The following GLG1 variants were observed in gnomAD, a reference collection of about 807,000 sequenced individuals.
GLG1 encodes the protein golgi glycoprotein 1.
A neutral mutation model predicts 160.5 loss-of-function variants in GLG1; 38 were observed. That is an observed-to-expected ratio of 0.24 (90% CI 0.18 to 0.31). The LOEUF is 0.31. Among genes scored for constraint, GLG1 ranks in the 10% least tolerant of loss-of-function variants. GLG1 has a pLI of 1.00. For synonymous variants in GLG1, 644 were observed against 543.4 expected (o/e 1.19, Z -2.57); for missense variants, 1,373 against 1,505.2 (o/e 0.91, Z 1.45).
chr16:74,472,430 A>G lies in GLG1; in HGVS notation c.2053-19T>C. 2 of 1,565,088 alleles carry G rather than the reference A, an allele frequency of 1.3e-6. No homozygotes were observed. Among genetic ancestry groups the G allele is most frequent in the Non-Finnish European group, 1.8e-6 (2 of 1,136,768 alleles). ...GAATATCCTGTAGAAAATTAAATAT[A>G]TTAATACTTCTGCTTTAGAAAGAGC... On this transcript the variant is annotated intron_variant, in intron 13 of 25. Transcript: ENST00000422840.
At chr16:74,584,857 A>C (rs1471482423) in intron 1 of GLG1, among the ~76,000 whole-genome samples, 2 of 152,080 alleles carry the variant, frequency 1.3e-5, no homozygotes, top group African/African-American at 4.8e-5. Context: ...CAGAGGTTGC[A>C]GTGAGCTGAG....
rs1414534342 is a variant in GLG1 at position 74,447,805 on chromosome 16, G to A, written c.*5362C>T. On this transcript the variant is annotated 3_prime_UTR_variant, in exon 26 of 26. Coordinates refer to ENST00000422840, the MANE Select transcript of GLG1 (RefSeq NM_001145667.2). Reference sequence around the variant, plus strand: ...GAGGTCTCTGCCCAGTGCACTGCAGGGGGACCTGGAGGGCCCATTTCTACC... The same window carrying A: ...GAGGTCTCTGCCCAGTGCACTGCAGAGGGACCTGGAGGGCCCATTTCTACC... The A allele has an allele frequency of 6.6e-6, 1 of 152,280 alleles. No homozygotes were observed. Among genetic ancestry groups the A allele is most frequent in the South Asian group, 2.1e-4 (1 of 4,838 alleles). 9.4% of individuals were successfully genotyped at this position (152,280 alleles called of 1,614,324 possible).
chr16:74,551,557 A>G (rs2018199603), intron 1 of GLG1, among the ~76,000 whole-genome samples: 1 of 151,014 alleles, frequency 6.6e-6, no homozygotes, highest in African/African-American at 2.4e-5. Flanking sequence ...AGCTCAAGCA[A>G]TCTGTCCACC....
chr16:74,532,567 A>T (rs2017571580), intron 1 of GLG1, among the ~76,000 whole-genome samples: 1 of 152,090 alleles, frequency 6.6e-6, no homozygotes, highest in South Asian at 2.1e-4. Flanking sequence ...TCTGTCACCC[A>T]GGCTGCCATG....
rs866675948 is a variant in GLG1 at position 74,540,117 on chromosome 16, T to A, written c.439-7964A>T. On this transcript the variant is annotated intron_variant, in intron 1 of 25. Coordinates refer to ENST00000422840, the MANE Select transcript of GLG1 (RefSeq NM_001145667.2). Reference sequence around the variant, plus strand: ...ATTATATATATTTTATATATATATATTATATATATTTTATATATATAATAT... The same window carrying A: ...ATTATATATATTTTATATATATATAATATATATATTTTATATATATAATAT... 5.5e-3 allele frequency among the ~76,000 whole-genome samples: 6 copies of A among 1,088 alleles called. 3 individuals are homozygous for A. The East Asian group carries it at 1, about 181-fold the overall frequency. 0.7% of individuals were successfully genotyped at this position (1,088 alleles called of 152,430 possible).
chr16:74,591,754 A>G lies in GLG1; in HGVS notation c.438+14903T>C, dbSNP rs546139017. 3.3e-5 allele frequency among the ~76,000 whole-genome samples: 5 copies of G among 152,346 alleles called. No individual in the cohort carries two copies. In the East Asian group the frequency reaches 9.6e-4, roughly 29 times the overall value. ...CCAGAGAAATGTTCCAACCTGGGAAATATGAGAGCAAAAGGCCTTACATAT... is the reference window on the plus strand; with the variant it reads ...CCAGAGAAATGTTCCAACCTGGGAAGTATGAGAGCAAAAGGCCTTACATAT... On this transcript the variant is annotated intron_variant, in intron 1 of 25. Transcript: ENST00000422840.
At chr16:74,523,223 A>G (rs1343560571) in intron 2 of GLG1, among the ~76,000 whole-genome samples, 1 of 152,238 alleles carries the variant, frequency 6.6e-6, no homozygotes, top group Non-Finnish European at 1.5e-5. Flanking sequence ...TTACTGTTTT[A>G]CTTTTCACAT....
At chr16:74,577,798 G>T (rs1163251691) in intron 1 of GLG1, among the ~76,000 whole-genome samples, 2 of 151,746 alleles carry the variant, frequency 1.3e-5, no homozygotes, top group Non-Finnish European at 2.9e-5. Flanking sequence ...TTTATTTTTT[G>T]TAGAGATGAG....
chr16:74,526,298 T>C (rs891116274), intron 2 of GLG1, among the ~76,000 whole-genome samples: 1 of 147,250 alleles, frequency 6.8e-6, no homozygotes. Flanking sequence ...TGACTGACTA[T>C]GAGGCAGGCA....
intron 24 of GLG1, among the ~76,000 whole-genome samples, chr16:74,457,253 C>G (rs1370789829): frequency 6.6e-6 from 1 of 152,012 alleles, no homozygotes; most frequent in Non-Finnish European, 1.5e-5. Flanking sequence ...AAAAATGAGC[C>G]AGGCATGGTG....
Position 74,540,080 on chromosome 16 carries a change from TTTTA to T in GLG1, c.439-7931_439-7928del, listed in dbSNP as rs1567512322. ...ATTTTATATATATATATTATATATA[TTTTA>T]TATATATATTATATATATTTTATAT... On this transcript the variant is annotated intron_variant, in intron 1 of 25. Coordinates refer to ENST00000422840, the MANE Select transcript of GLG1 (RefSeq NM_001145667.2). Among the ~76,000 whole-genome samples, 2 of 782 alleles carry T rather than the reference TTTTA, an allele frequency of 2.6e-3. 1 individual carries two copies. Among genetic ancestry groups the T allele is most frequent in the African/African-American group, 3.4e-3 (2 of 580 alleles). The allele number at this position is 782 out of a possible 152,430, so 0.5% of individuals were successfully genotyped here.
intron 8 of GLG1, among the ~76,000 whole-genome samples, chr16:74,488,204 C>G (rs1288877514): frequency 1.3e-5 from 2 of 151,844 alleles, no homozygotes; most frequent in Non-Finnish European, 2.9e-5. Context: ...CAACCACAGA[C>G]AGGTATGGAA....
rs758481036 is a variant in GLG1 at position 74,452,776 on chromosome 16, C to T, written c.*391G>A. 13 of 990,778 alleles carry T rather than the reference C, an allele frequency of 1.3e-5. No individual in the cohort carries two copies. The highest frequency in any genetic ancestry group is 1.7e-5 in the African/African-American group (1 of 57,384). The allele number at this position is 990,778 out of a possible 1,614,324, so 61.4% of individuals were successfully genotyped here. ...GCCCAAATCAAGCCTGGAGGAGATG[C>T]GTTACTATATACATTTTTTTCTTTA... On this transcript the variant is annotated 3_prime_UTR_variant, in exon 26 of 26. Coordinates refer to ENST00000422840, the MANE Select transcript of GLG1 (RefSeq NM_001145667.2).
At chr16:74,491,343 G>C in intron 7 of GLG1, 128 bp from the exon 8 acceptor site, 1 of 704,438 alleles carries the variant, frequency 1.4e-6, no homozygotes. Flanking sequence ...GCTAACATCT[G>C]AAAAGTTTAG....
intron 13 of GLG1, 61 bp downstream of exon 13, chr16:74,474,485 C>T: frequency 1.2e-6 from 1 of 836,478 alleles, no homozygotes; most frequent in Non-Finnish European, 2.1e-6. Context: ...TAGAATCAAA[C>T]ACAAAAGGCC....
Position 74,578,839 on chromosome 16 carries a change from G to A in GLG1, c.438+27818C>T, listed in dbSNP as rs35627436. Among the ~76,000 whole-genome samples, 432 of 152,260 alleles carry A rather than the reference G, an allele frequency of 2.8e-3. 3 individuals are homozygous for A. Among genetic ancestry groups the A allele is most frequent in the Non-Finnish European group, 5.1e-3 (344 of 68,022 alleles). On this transcript the variant is annotated intron_variant, in intron 1 of 25. Transcript: ENST00000422840. Reference sequence around the variant, plus strand: ...AGTCATTCTGTGAAAACAAGATTTAGGATAAGGTTTTTGAAATAACTTTTT... The same window carrying A: ...AGTCATTCTGTGAAAACAAGATTTAAGATAAGGTTTTTGAAATAACTTTTT...
intron 2 of GLG1, among the ~76,000 whole-genome samples, chr16:74,526,866 G>C (rs1257023288): frequency 1.3e-5 from 2 of 152,200 alleles, no homozygotes; most frequent in Non-Finnish European, 2.9e-5. Context: ...CTATGAGGTA[G>C]AATTCAAATT....
chr16:74,571,163 T>G (rs2018815983), intron 1 of GLG1, among the ~76,000 whole-genome samples: 1 of 152,062 alleles, frequency 6.6e-6, no homozygotes, highest in Non-Finnish European at 1.5e-5. Context: ...TGATGAGACA[T>G]GGAGCCCAGT....
intron 8 of GLG1, among the ~76,000 whole-genome samples, chr16:74,489,235 C>T (rs1157399484): frequency 6.6e-6 from 1 of 152,050 alleles, no homozygotes; most frequent in Non-Finnish European, 1.5e-5. Flanking sequence ...CTTTGGGAGG[C>T]TGAGGCGGGA....
Sources: gnomAD v4.1 joint callset for allele counts (sites outside exome capture counted in the v4.1 genomes callset) on GRCh38, gnomAD v4.1.1 for gene constraint, MANE v1.5 for transcripts, NCBI Gene and HGNC (gene_info 2026-07-23, HGNC 2026-07-21) for gene names.